PAFAH2: variants seen among roughly 807,000 people sequenced by gnomAD.
The protein encoded by PAFAH2 is platelet-activating factor acetylhydrolase 2, cytoplasmic.
In PAFAH2, 42 loss-of-function variants were observed where a neutral mutation model predicts 49.0. That is an observed-to-expected ratio of 0.86 (90% confidence interval 0.67 to 1.11). The LOEUF (loss-of-function observed/expected upper bound fraction) is 1.11, where lower values mean the gene tolerates loss of function less well. Ranked by LOEUF, PAFAH2 falls within the 50% of genes least tolerant of loss-of-function variation. The pLI is 0.00. For missense variants in PAFAH2, 503 were observed against 501.8 expected (o/e 1.00, Z -0.02); for synonymous variants, 184 against 181.3 (o/e 1.01, Z -0.12).
chr1:25,972,598 A>AACCTC lies in PAFAH2; in HGVS notation c.1039_1043dup (p.Met349ArgfsTer17). On this transcript the variant is annotated frameshift_variant, in exon 10 of 11. Coordinates refer to ENST00000374282, the MANE Select transcript of PAFAH2 (RefSeq NM_000437.4). LOFTEE classifies it high-confidence loss of function. ...GGAAGGCCAACATGGCCCGTACCATAACCTCCTGCCCTTCATAGGGGTCCA... is the reference window on the plus strand; with the variant it reads ...GGAAGGCCAACATGGCCCGTACCATAACCTCACCTCCTGCCCTTCATAGGGGTCCA... The AACCTC allele has an allele frequency of 6.2e-7, 1 of 1,613,952 alleles. No individual in the cohort carries two copies.
chr1:25,971,944 A>C (rs2049515065), intron 10 of PAFAH2, among the ~76,000 whole-genome samples: 1 of 152,190 alleles, frequency 6.6e-6, no homozygotes, highest in Admixed American at 6.5e-5. Flanking sequence ...AGTCTGGGTA[A>C]GGAGAGAGGT....
chr1:25,991,500 T>C (rs967623950), intron 1 of PAFAH2, among the ~76,000 whole-genome samples: 1 of 146,186 alleles, frequency 6.8e-6, no homozygotes, highest in African/African-American at 2.5e-5. Context: ...GCCAGGATGG[T>C]CTTGATCTCC....
intron 10 of PAFAH2, among the ~76,000 whole-genome samples, chr1:25,967,327 G>A (rs894821296): frequency 2.6e-5 from 4 of 152,178 alleles, no homozygotes; most frequent in Non-Finnish European, 4.4e-5. Context: ...AGTTGAAATT[G>A]GTTTTGTTTG....
chr1:25,978,064 T>C (rs1266815446), intron 7 of PAFAH2, among the ~76,000 whole-genome samples: 1 of 152,182 alleles, frequency 6.6e-6, no homozygotes, highest in African/African-American at 2.4e-5. Flanking sequence ...TGGAGGCCTC[T>C]CCAGGCTCTA....
At chr1:25,968,081 G>A (rs1006990362) in intron 10 of PAFAH2, among the ~76,000 whole-genome samples, 2 of 152,086 alleles carry the variant, frequency 1.3e-5, no homozygotes, top group Non-Finnish European at 2.9e-5. Context: ...CAGGAGAATT[G>A]CTTGAACCTG....
In PAFAH2 at chr1:25,974,526, T is replaced by G. The variant is rs748821801; in HGVS notation, c.883A>C (p.Lys295Gln). The change falls in exon 9 of 11, where the codon AAG becomes CAG. Residue 295 changes from lysine (K) to glutamine (Q), a missense_variant. By Grantham distance (53) the Lys-to-Gln change is moderately conservative. Coordinates refer to ENST00000374282, the MANE Select transcript of PAFAH2 (RefSeq NM_000437.4). Reference protein sequence around the residue: ...FQTMESVNLMKKICAQHEQSR... With the variant: ...FQTMESVNLMQKICAQHEQSR... ...TGTTCATGCTGGGCACATATCTTCT[T>G]CATCAAATTGACACTCTCCATTGTC... 6.2e-7 allele frequency: 1 copy of G among 1,613,996 alleles called. No homozygotes were observed. The highest frequency in any genetic ancestry group is 1.3e-5 in the African/African-American group (1 of 74,902).
intron 3 of PAFAH2, 132 bp from the exon 4 acceptor site, chr1:25,988,459 C>G: frequency 1.5e-6 from 1 of 647,944 alleles, no homozygotes; most frequent in South Asian, 1.8e-5. Context: ...CTGAGCAGCT[C>G]AGGGCAGTTA....
At chr1:25,978,362 T>G (rs1400535388) in intron 7 of PAFAH2, among the ~76,000 whole-genome samples, 1 of 152,198 alleles carries the variant, frequency 6.6e-6, no homozygotes, top group East Asian at 1.9e-4. Context: ...CTTATATTCA[T>G]AAGTCAACAT....
intron 6 of PAFAH2, among the ~76,000 whole-genome samples, chr1:25,983,689 C>A (rs2124353324): frequency 6.6e-6 from 1 of 152,222 alleles, no homozygotes. Flanking sequence ...AGTCTGGTTC[C>A]AATTGTCCTT....
intron 9 of PAFAH2, 139 bp from the exon 10 acceptor site, chr1:25,972,851 T>A: frequency 1.2e-6 from 1 of 857,294 alleles, no homozygotes; most frequent in Admixed American, 2.4e-5. Context: ...GGAAGTATTT[T>A]CCCCCTTGAC....
At chr1:25,966,937 C>G (rs919825560) in intron 10 of PAFAH2, among the ~76,000 whole-genome samples, 1 of 148,920 alleles carries the variant, frequency 6.7e-6, no homozygotes, top group Non-Finnish European at 1.5e-5. Context: ...GAGGCTGAGG[C>G]AGGAGAATGG....
At chr1:25,975,219 C>T (rs1557518526) in intron 8 of PAFAH2, among the ~76,000 whole-genome samples, 2 of 152,130 alleles carry the variant, frequency 1.3e-5, no homozygotes, top group South Asian at 4.2e-4. Flanking sequence ...CCCTGAAATG[C>T]TCCTCTATTC....
intron 4 of PAFAH2, among the ~76,000 whole-genome samples, chr1:25,986,813 G>A (rs1335819456): frequency 6.6e-6 from 1 of 152,030 alleles, no homozygotes; most frequent in Non-Finnish European, 1.5e-5. Context: ...TTACAGGCGT[G>A]AGCCACCGCG....
At chr1:25,988,512 A>G (rs1322558840) in intron 3 of PAFAH2, among the ~76,000 whole-genome samples, 185 bp from the exon 4 acceptor site, 1 of 152,054 alleles carries the variant, frequency 6.6e-6, no homozygotes, top group Non-Finnish European at 1.5e-5. Flanking sequence ...AAGAGTGAAC[A>G]CAACAGAAAA....
intron 1 of PAFAH2, 36 bp from the exon 2 acceptor site, chr1:25,990,899 G>T: frequency 9.2e-7 from 1 of 1,090,926 alleles, no homozygotes; most frequent in South Asian, 1.3e-5. Flanking sequence ...GCCGCTTGCT[G>T]GTTTCCTCTC....
At position 25,984,064 on chromosome 1, in the gene PAFAH2, T is replaced by C. The variant is rs201037372; in HGVS notation, c.434A>G (p.Tyr145Cys). Residue 145 changes from tyrosine to cysteine, a missense_variant, in exon 6 of 11, where the codon TAT becomes TGT. Tyr to Cys is a radical substitution (Grantham distance 194). Coordinates refer to ENST00000374282, the MANE Select transcript of PAFAH2 (RefSeq NM_000437.4). ...EHRDRSAATT[Y>C]FCKQAPEENQ... ...CTCTTCTGGGGCCTGCTTGCAGAAA[T>C]AGGTGGTTGCCGCTGACCGGTCCCT... 302 of 1,614,008 alleles carry C rather than the reference T, an allele frequency of 1.9e-4. 2 individuals are homozygous for C. The Admixed American group carries it at 4.6e-3, about 25-fold the overall frequency.
At chr1:25,994,010 G>C (rs974949882) in intron 1 of PAFAH2, among the ~76,000 whole-genome samples, 1 of 152,118 alleles carries the variant, frequency 6.6e-6, no homozygotes, top group Non-Finnish European at 1.5e-5. Context: ...AGAAAGTTGT[G>C]ACCAGATTTG....
At chr1:25,995,316 T>C (rs577341282) in intron 1 of PAFAH2, among the ~76,000 whole-genome samples, 1 of 152,368 alleles carries the variant, frequency 6.6e-6, no homozygotes, top group Admixed American at 6.5e-5. Context: ...CTAGCAGTTT[T>C]CAACCAGTGA....
chr1:25,974,621 A>G lies in PAFAH2; in HGVS notation c.788T>C (p.Phe263Ser), dbSNP rs756742054. ...GGGGTAAAAGTCACGTTCCAGAGGA[A>G]ACATCCAAGCATCCAGAGCCACCGC... is the stretch of plus-strand genomic sequence containing the variant. ...RCAVALDAWM[F>S]PLERDFYPKA... Residue 263 changes from phenylalanine (F) to serine (S), a missense_variant, in exon 9 of 11, where the codon TTT (phenylalanine) becomes TCT (serine). Physicochemically the swap from Phe to Ser is radical, Grantham distance 155. Coordinates refer to ENST00000374282, the MANE Select transcript of PAFAH2 (RefSeq NM_000437.4). 6.2e-7 allele frequency: 1 copy of G among 1,614,122 alleles called. No individual in the cohort carries two copies. The highest frequency in any genetic ancestry group is 1.7e-5 in the Admixed American group (1 of 60,018).
Sources: allele counts gnomAD v4.1 joint callset (sites outside exome capture counted in the v4.1 genomes callset), GRCh38; gene constraint gnomAD v4.1.1; transcripts MANE v1.5; gene names NCBI Gene and HGNC (gene_info 2026-07-23, HGNC 2026-07-21).